Variants in TBC1D5 observed in about 807,000 individuals in gnomAD.
TBC1D5 encodes the protein TBC1 domain family member 5.
In TBC1D5, 75 loss-of-function variants were observed where a neutral mutation model predicts 100.3. The observed-to-expected ratio is 0.75, with a 90% CI of 0.62 to 0.91. The LOEUF (loss-of-function observed/expected upper bound fraction) is 0.91. Among genes scored for constraint, TBC1D5 ranks in the 40% least tolerant of loss-of-function variants. The pLI, the probability that TBC1D5 is intolerant of heterozygous loss-of-function variation, is 0.00. For missense variants in TBC1D5, 910 were observed against 942.4 expected, an observed-to-expected ratio of 0.97 and a Z score of 0.45; for synonymous variants, 323 against 325.6, an observed-to-expected ratio of 0.99 and a Z score of 0.09.
chr3:17,269,279 CG>C (rs377555254), intron 15 of TBC1D5, among the ~76,000 whole-genome samples: 1 of 152,048 alleles, frequency 6.6e-6, no homozygotes, highest in African/African-American at 2.4e-5. Flanking sequence ...AGAATGCTCA[CG>C]AACAGTGAAG....
chr3:17,672,286 T>G (rs2068033130), intron 1 of TBC1D5, among the ~76,000 whole-genome samples: 1 of 152,242 alleles, frequency 6.6e-6, no homozygotes, highest in South Asian at 2.1e-4. Context: ...TTATACAATT[T>G]TTTAAAATGT....
At chr3:17,466,394 G>GT (rs1281432026) in intron 3 of TBC1D5, among the ~76,000 whole-genome samples, 54 of 152,292 alleles carry the variant, frequency 3.5e-4, no homozygotes, top group African/African-American at 1.3e-3. Context: ...AACATAAAGG[G>GT]TATCTATACA....
At chr3:17,292,074 T>C in intron 14 of TBC1D5, 73 bp from the exon 15 acceptor site, 1 of 1,311,366 alleles carries the variant, frequency 7.6e-7, no homozygotes, top group Non-Finnish European at 1.1e-6. Context: ...ATATAAAATC[T>C]AACAACTTAA....
intron 1 of TBC1D5, among the ~76,000 whole-genome samples, chr3:17,672,187 A>G (rs1264674718): frequency 6.6e-6 from 1 of 152,198 alleles, no homozygotes; most frequent in Non-Finnish European, 1.5e-5. Flanking sequence ...CAAATACATG[A>G]TTTTTTGCAA....
chr3:17,281,316 T>C (rs776468972), intron 15 of TBC1D5, among the ~76,000 whole-genome samples: 18 of 152,150 alleles, frequency 1.2e-4, no homozygotes, highest in Admixed American at 2.6e-4. Flanking sequence ...AGTTCCTCTT[T>C]AAAACCAGAA....
At chr3:17,412,431 G>A (rs2093952797) in intron 4 of TBC1D5, among the ~76,000 whole-genome samples, 1 of 152,158 alleles carries the variant, frequency 6.6e-6, no homozygotes, top group Non-Finnish European at 1.5e-5. Flanking sequence ...GAAAGGTTTA[G>A]CCCTTCTAGG....
At chr3:17,261,663 A>G (rs910760157) in intron 15 of TBC1D5, among the ~76,000 whole-genome samples, 3 of 152,016 alleles carry the variant, frequency 2.0e-5, no homozygotes, top group Non-Finnish European at 2.9e-5. Flanking sequence ...TTGGGACTAC[A>G]CGCATGCACC....
chr3:17,234,073 T>A (rs763851767), intron 17 of TBC1D5, among the ~76,000 whole-genome samples: 3 of 152,108 alleles, frequency 2.0e-5, no homozygotes, highest in Non-Finnish European at 4.4e-5. Flanking sequence ...TTTTATATTT[T>A]CCCTTTCATC....
chr3:17,660,337 C>T (rs1173969585), intron 1 of TBC1D5, among the ~76,000 whole-genome samples: 2 of 152,150 alleles, frequency 1.3e-5, no homozygotes, highest in African/African-American at 4.8e-5. Context: ...TCCATTTTTA[C>T]CTTTCCCCTC....
intron 16 of TBC1D5, among the ~76,000 whole-genome samples, chr3:17,242,523 C>T (rs968625838): frequency 6.6e-6 from 1 of 151,344 alleles, no homozygotes; most frequent in Non-Finnish European, 1.5e-5. Context: ...TGAATACTTC[C>T]GTTCATTCAT....
At chr3:17,705,983 C>G (rs1577665616) in intron 1 of TBC1D5, 1 of 1,224,596 alleles carries the variant, frequency 8.2e-7, no homozygotes, top group Non-Finnish European at 1.1e-6. Flanking sequence ...TTTCTTTACT[C>G]TTTTTTTTTT....
At chr3:17,645,627 GT>G (rs542640385) in intron 1 of TBC1D5, among the ~76,000 whole-genome samples, 1 of 151,978 alleles carries the variant, frequency 6.6e-6, no homozygotes, top group South Asian at 2.1e-4. Context: ...CTAGGCTTAG[GT>G]TTCCTCTTTG....
At chr3:17,170,372 A>G (rs1442794500) in intron 19 of TBC1D5, among the ~76,000 whole-genome samples, 1 of 152,150 alleles carries the variant, frequency 6.6e-6, no homozygotes, top group African/African-American at 2.4e-5. Flanking sequence ...TTGGAGGAAG[A>G]ACAGGGGGCT....
chr3:17,167,001 A>C, intron 20 of TBC1D5, 73 bp from the exon 22 acceptor site: 1 of 1,397,872 alleles, frequency 7.2e-7, no homozygotes, highest in African/African-American at 1.4e-5. Context: ...TAAATCTCTC[A>C]GACATTTGAA....
intron 1 of TBC1D5, among the ~76,000 whole-genome samples, chr3:17,670,823 T>C (rs1293579708): frequency 1.3e-5 from 2 of 152,180 alleles, no homozygotes; most frequent in African/African-American, 4.8e-5. Flanking sequence ...AGCAACAGAA[T>C]TGACTCAAAA....
intron 3 of TBC1D5, among the ~76,000 whole-genome samples, chr3:17,495,057 A>C (rs1314649585): frequency 2.0e-5 from 3 of 152,172 alleles, no homozygotes; most frequent in Admixed American, 6.5e-5. Flanking sequence ...CCCTTGCTCC[A>C]CTATGCTTTT....
intron 3 of TBC1D5, among the ~76,000 whole-genome samples, chr3:17,494,180 G>C (rs1359063767): frequency 6.6e-6 from 1 of 152,022 alleles, no homozygotes; most frequent in Non-Finnish European, 1.5e-5. Flanking sequence ...GCTGTGGTTT[G>C]CTTGGGGTCC....
At chr3:17,167,666 A>G in intron 20 of TBC1D5, 83 bp downstream of exon 21, 2 of 1,264,216 alleles carry the variant, frequency 1.6e-6, no homozygotes, top group Non-Finnish European at 2.3e-6. Context: ...TGCTGGCTCT[A>G]ACATCATGGT....
chr3:17,606,811 C>G (rs1303278309), intron 2 of TBC1D5, among the ~76,000 whole-genome samples: 1 of 151,826 alleles, frequency 6.6e-6, no homozygotes, highest in Non-Finnish European at 1.5e-5. Flanking sequence ...AACAAATAAC[C>G]AAAAGCCAGT....
Sources: allele counts gnomAD v4.1 joint callset (sites outside exome capture counted in the v4.1 genomes callset), GRCh38; gene constraint gnomAD v4.1.1; transcripts MANE v1.5; gene names NCBI Gene and HGNC (gene_info 2026-07-23, HGNC 2026-07-21).